Variants in CPNE8 observed in about 807,000 individuals in gnomAD.
CPNE8 encodes copine 8, also known as copine-8.
In CPNE8, 45 loss-of-function variants were observed where a neutral mutation model predicts 81.5. The ratio of observed to expected loss-of-function variants is 0.55; its 90% confidence interval spans 0.44 to 0.71. CPNE8 has a LOEUF of 0.71. CPNE8 is among the 30% of genes least tolerant of loss of function. The pLI is 0.00. For synonymous variants in CPNE8, 252 were observed against 226.3 expected (o/e 1.11, Z -1.02); for missense variants, 594 against 672.1 (o/e 0.88, Z 1.28).
intron 13 of CPNE8, among the ~76,000 whole-genome samples, chr12:38,706,575 TTA>T (rs1940112860): frequency 6.6e-6 from 1 of 152,206 alleles, no homozygotes; most frequent in Admixed American, 6.5e-5. Flanking sequence ...TATATTCTTT[TTA>T]TGTTATTTTA....
intron 13 of CPNE8, among the ~76,000 whole-genome samples, chr12:38,712,154 C>T (rs1043922958): frequency 4.0e-5 from 6 of 150,854 alleles, no homozygotes; most frequent in Non-Finnish European, 7.4e-5. Flanking sequence ...CATGTTCTGG[C>T]CAGATGTGCT....
At chr12:38,767,574 A>G in intron 8 of CPNE8, 61 bp downstream of exon 8, 1 of 1,002,180 alleles carries the variant, frequency 1.0e-6, no homozygotes, top group Non-Finnish European at 1.4e-6. Flanking sequence ...TCTGAGAAAA[A>G]TAATTATAAT....
At chr12:38,683,505 C>T (rs527964122) in intron 16 of CPNE8, among the ~76,000 whole-genome samples, 11 of 152,084 alleles carry the variant, frequency 7.2e-5, no homozygotes, top group African/African-American at 1.2e-4. Context: ...ATAACTATGG[C>T]GCTTCTCTTA....
At chr12:38,789,906 C>T (rs995268014) in intron 6 of CPNE8, among the ~76,000 whole-genome samples, 4 of 151,732 alleles carry the variant, frequency 2.6e-5, no homozygotes, top group Non-Finnish European at 4.4e-5. Context: ...TATAGCATCA[C>T]CCCAGTTCAA....
chr12:38,659,786 C>T (rs1157659252), intron 19 of CPNE8, among the ~76,000 whole-genome samples: 1 of 152,142 alleles, frequency 6.6e-6, no homozygotes, highest in Non-Finnish European at 1.5e-5. Context: ...ACAATCTGCT[C>T]AATGTGCAAA....
At chr12:38,785,983 G>A (rs1220838619) in intron 6 of CPNE8, among the ~76,000 whole-genome samples, 1 of 151,778 alleles carries the variant, frequency 6.6e-6, no homozygotes, top group South Asian at 2.1e-4. Flanking sequence ...ACAAATGGAA[G>A]AAGGAAGGAA....
chr12:38,771,459 C>T (rs1008424862), intron 7 of CPNE8, among the ~76,000 whole-genome samples: 1 of 151,848 alleles, frequency 6.6e-6, no homozygotes, highest in African/African-American at 2.4e-5. Flanking sequence ...GAGTGAGACC[C>T]CGTATTTAAA....
chr12:38,851,771 A>T (rs1458393523), intron 3 of CPNE8, among the ~76,000 whole-genome samples: 4 of 152,174 alleles, frequency 2.6e-5, no homozygotes, highest in Non-Finnish European at 5.9e-5. Flanking sequence ...GGCTTCCTGT[A>T]GTACTTATAA....
chr12:38,860,965 TA>T (rs34399205), intron 3 of CPNE8, among the ~76,000 whole-genome samples: 1 of 152,150 alleles, frequency 6.6e-6, no homozygotes, highest in African/African-American at 2.4e-5. Flanking sequence ...ATTCCATACT[TA>T]AAAATTTGCT....
chr12:38,738,512 T>C (rs948077524), intron 10 of CPNE8, among the ~76,000 whole-genome samples: 11 of 152,274 alleles, frequency 7.2e-5, no homozygotes, highest in African/African-American at 2.6e-4. Flanking sequence ...GCTGTATAGA[T>C]AAGGGATTGT....
intron 13 of CPNE8, among the ~76,000 whole-genome samples, chr12:38,716,482 G>C (rs1095575): frequency 0.52 from 78,422 of 151,690 alleles, 21,371 homozygotes; most frequent in East Asian, 0.81. Context: ...GAGAACCGAG[G>C]TGTAAAGCCA....
intron 1 of CPNE8, among the ~76,000 whole-genome samples, chr12:38,880,608 A>G (rs1441117788): frequency 6.6e-6 from 1 of 152,198 alleles, no homozygotes; most frequent in African/African-American, 2.4e-5. Context: ...ATGGACTGGA[A>G]TCAGAAAGTT....
At chr12:38,705,056 T>C (rs1375832383) in intron 13 of CPNE8, among the ~76,000 whole-genome samples, 1 of 151,022 alleles carries the variant, frequency 6.6e-6, no homozygotes, top group African/African-American at 2.4e-5. Flanking sequence ...CACAAATACA[T>C]GACAATGCTA....
At chr12:38,657,732 C>G (rs909241441) in intron 19 of CPNE8, among the ~76,000 whole-genome samples, 1 of 152,170 alleles carries the variant, frequency 6.6e-6, no homozygotes, top group Non-Finnish European at 1.5e-5. Context: ...TGTTCTGCAG[C>G]CTCCACTGGT....
intron 1 of CPNE8, among the ~76,000 whole-genome samples, chr12:38,886,506 C>A (rs77625047): frequency 1.3e-5 from 2 of 152,208 alleles, no homozygotes; most frequent in Admixed American, 1.3e-4. Flanking sequence ...CAAATTCATT[C>A]GAAAATATTC....
intron 6 of CPNE8, among the ~76,000 whole-genome samples, chr12:38,826,768 AT>A (rs537082203): frequency 1.3e-5 from 2 of 152,098 alleles, no homozygotes; most frequent in Non-Finnish European, 2.9e-5. Context: ...CCACTGGTAA[AT>A]TTTTTATAAC....
At chr12:38,699,169 T>C (rs997758232) in intron 14 of CPNE8, among the ~76,000 whole-genome samples, 1 of 152,234 alleles carries the variant, frequency 6.6e-6, no homozygotes, top group African/African-American at 2.4e-5. Context: ...TTTGCACTTA[T>C]CTTGTTTCAG....
intron 6 of CPNE8, among the ~76,000 whole-genome samples, chr12:38,778,301 A>G (rs1941976930): frequency 6.6e-6 from 1 of 152,180 alleles, no homozygotes; most frequent in African/African-American, 2.4e-5. Flanking sequence ...TGGTTTCACA[A>G]CAATGAAATC....
chr12:38,848,886 C>T (rs1241441054), intron 3 of CPNE8, among the ~76,000 whole-genome samples: 3 of 152,064 alleles, frequency 2.0e-5, no homozygotes, highest in Non-Finnish European at 4.4e-5. Context: ...TATGACAAAC[C>T]ATAATGCTTC....
Sources: gnomAD v4.1 joint callset for allele counts (sites outside exome capture counted in the v4.1 genomes callset) on GRCh38, gnomAD v4.1.1 for gene constraint, MANE v1.5 for transcripts, NCBI Gene and HGNC (gene_info 2026-07-23, HGNC 2026-07-21) for gene names.